ENTREP2: variants seen among roughly 807,000 people sequenced by gnomAD.
ENTREP2 encodes endosomal transmembrane epsin interactor 2.
At chr15:29,651,470 C>T in the ENTREP2 span, among the ~76,000 whole-genome samples, 1 of 152,318 alleles carries the variant, frequency 6.6e-6, no homozygotes, top group East Asian at 1.9e-4. Context: ...AGGCCTGGGC[C>T]TCCCATTCTC....
chr15:29,574,253 G>A, the ENTREP2 span, among the ~76,000 whole-genome samples: 1 of 152,070 alleles, frequency 6.6e-6, no homozygotes. Context: ...TGGATCAGAT[G>A]GGACTAATAG....
the ENTREP2 span, among the ~76,000 whole-genome samples, chr15:29,516,358 G>C: frequency 6.6e-6 from 1 of 152,104 alleles, no homozygotes; most frequent in Admixed American, 6.5e-5. Context: ...AATGTCCACA[G>C]CAATTAAAAT....
chr15:29,295,719 T>C, the ENTREP2 span, among the ~76,000 whole-genome samples: 1 of 152,184 alleles, frequency 6.6e-6, no homozygotes, highest in Non-Finnish European at 1.5e-5. Context: ...GTATGTCTGA[T>C]AACCATCCTG....
At chr15:29,647,793 G>A in the ENTREP2 span, among the ~76,000 whole-genome samples, 2 of 152,114 alleles carry the variant, frequency 1.3e-5, no homozygotes, top group African/African-American at 4.8e-5. Flanking sequence ...TTTTAAAGGA[G>A]CAAGTGGCTA....
chr15:29,402,251 A>AATATATATATATATATATATATATAT, the ENTREP2 span, among the ~76,000 whole-genome samples: 58 of 111,866 alleles, frequency 5.2e-4, no homozygotes, highest in Middle Eastern at 5.6e-3. Flanking sequence ...ATTATAGAAG[A>AATATATATATATATATATATATATAT]ATATATATAT....
the ENTREP2 span, among the ~76,000 whole-genome samples, chr15:29,215,421 T>A: frequency 1.3e-5 from 2 of 152,082 alleles, no homozygotes; most frequent in African/African-American, 4.8e-5. Flanking sequence ...CCAGCCTACA[T>A]CTTTCTCCCA....
At chr15:29,454,147 G>A in the ENTREP2 span, among the ~76,000 whole-genome samples, 1 of 152,218 alleles carries the variant, frequency 6.6e-6, no homozygotes, top group South Asian at 2.1e-4. Flanking sequence ...CAGTTTGGTG[G>A]ACCCAAAAAC....
At chr15:29,202,136 C>T in the ENTREP2 span, among the ~76,000 whole-genome samples, 80 of 152,252 alleles carry the variant, frequency 5.3e-4, no homozygotes, top group African/African-American at 1.8e-3. Context: ...TCTTCCCAGA[C>T]ATTGGGAATT....
the ENTREP2 span, among the ~76,000 whole-genome samples, chr15:29,291,030 G>A: frequency 1.3e-5 from 2 of 152,292 alleles, no homozygotes; most frequent in Admixed American, 1.3e-4. Flanking sequence ...GGACATGTGA[G>A]TAGAAGGGGT....
the ENTREP2 span, among the ~76,000 whole-genome samples, chr15:29,537,326 C>T: frequency 6.6e-6 from 1 of 152,146 alleles, no homozygotes; most frequent in Non-Finnish European, 1.5e-5. Context: ...CCGCCAGACA[C>T]AAACACAAAT....
chr15:29,371,341 C>A, the ENTREP2 span, among the ~76,000 whole-genome samples: 2 of 140,402 alleles, frequency 1.4e-5, no homozygotes, highest in African/African-American at 3.0e-5. Context: ...TACCACCACA[C>A]CCCCGCAAAC....
At chr15:29,239,740 G>T in the ENTREP2 span, among the ~76,000 whole-genome samples, 1 of 152,116 alleles carries the variant, frequency 6.6e-6, no homozygotes, top group Non-Finnish European at 1.5e-5. Flanking sequence ...TCATTTTATT[G>T]TTTACTTACA....
the ENTREP2 span, among the ~76,000 whole-genome samples, chr15:29,652,202 A>G: frequency 6.6e-6 from 1 of 152,162 alleles, no homozygotes; most frequent in Non-Finnish European, 1.5e-5. Context: ...TCCTTTCTGC[A>G]AAGAGCTGTG....
At chr15:29,543,068 TTAATTCTTTGGG>T in the ENTREP2 span, among the ~76,000 whole-genome samples, 1 of 152,358 alleles carries the variant, frequency 6.6e-6, no homozygotes, top group Non-Finnish European at 1.5e-5. Flanking sequence ...GTCCCTGCTT[TTAATTCTTTGGG>T]TATATACCCA....
chr15:29,286,700 G>C, the ENTREP2 span, among the ~76,000 whole-genome samples: 1 of 152,304 alleles, frequency 6.6e-6, no homozygotes, highest in Admixed American at 6.5e-5. Flanking sequence ...CACTGACTAG[G>C]GATGACAGGA....
At chr15:29,211,239 T>C in the ENTREP2 span, among the ~76,000 whole-genome samples, 1 of 152,122 alleles carries the variant, frequency 6.6e-6, no homozygotes, top group Non-Finnish European at 1.5e-5. Flanking sequence ...CTGCCCATCA[T>C]CCCCTCTACG....
the ENTREP2 span, among the ~76,000 whole-genome samples, chr15:29,473,245 T>C: frequency 6.7e-6 from 1 of 149,608 alleles, no homozygotes. Context: ...TCCTTTCCCC[T>C]CTCTGGCTAC....
chr15:29,201,223 G>T, the ENTREP2 span, among the ~76,000 whole-genome samples: 1 of 152,156 alleles, frequency 6.6e-6, no homozygotes, highest in African/African-American at 2.4e-5. Flanking sequence ...CACAAACAGA[G>T]TTAGTTATAT....
chr15:29,490,373 A>T, the ENTREP2 span, among the ~76,000 whole-genome samples: 1 of 152,184 alleles, frequency 6.6e-6, no homozygotes, highest in Non-Finnish European at 1.5e-5. Flanking sequence ...GAGCGAAAGA[A>T]CAAAACCTCC....
Sources: gnomAD v4.1 joint callset for allele counts (sites outside exome capture counted in the v4.1 genomes callset) on GRCh38, gnomAD v4.1.1 for gene constraint, MANE v1.5 for transcripts, NCBI Gene and HGNC (gene_info 2026-07-23, HGNC 2026-07-21) for gene names.